Variants in ADGRL2 observed in about 807,000 individuals in gnomAD.
ADGRL2 encodes the protein adhesion G protein-coupled receptor L2.
ADGRL2 carries 44 observed loss-of-function variants against 157.4 expected under a neutral mutation model. The ratio of observed to expected loss-of-function variants is 0.28; its 90% CI spans 0.22 to 0.36. The LOEUF is 0.36. Ranked by LOEUF, ADGRL2 falls within the 10% of genes least tolerant of loss-of-function variation. The pLI, the probability that ADGRL2 is intolerant of heterozygous loss-of-function variation, is 1.00. For synonymous variants in ADGRL2, 585 were observed against 624.7 expected (o/e 0.94, Z 0.95); for missense variants, 1,510 against 1,768.9 (o/e 0.85, Z 2.63).
chr1:81,395,561 C>T lies in ADGRL2; in HGVS notation c.-301-49475C>T, dbSNP rs567795404. ...AGTAGCATTTCAGTTTGATATATAA[C>T]CCCGTTTGTCTATTCTTGCTGTGTT... On this transcript the variant is annotated intron_variant, in intron 1 of 24. Coordinates refer to the ADGRL2 transcript ENST00000370721. Among the ~76,000 whole-genome samples the T allele has an allele frequency of 2.0e-5, 3 of 152,214 alleles. No homozygotes were observed. The South Asian group carries it at 6.2e-4, about 32-fold the overall frequency.
intron 3 of ADGRL2, among the ~76,000 whole-genome samples, chr1:81,604,402 T>G (rs1473559062): frequency 6.6e-6 from 1 of 152,192 alleles, no homozygotes; most frequent in African/African-American, 2.4e-5. Flanking sequence ...AGCTACAGCT[T>G]GAAAACCTCC....
At chr1:81,529,291 G>A (rs2079545273) in intron 2 of ADGRL2, among the ~76,000 whole-genome samples, 1 of 152,206 alleles carries the variant, frequency 6.6e-6, no homozygotes, top group Admixed American at 6.5e-5. Context: ...ACTGATTTGG[G>A]AGAAACTGGA....
chr1:81,912,573 A>G (rs553389700), intron 3 of ADGRL2, among the ~76,000 whole-genome samples: 63 of 152,330 alleles, frequency 4.1e-4, no homozygotes, highest in African/African-American at 1.5e-3. Context: ...AATAGTTGCC[A>G]GTGAATAAAT....
intron 2 of ADGRL2, among the ~76,000 whole-genome samples, chr1:81,768,123 A>G (rs1401587732): frequency 2.7e-5 from 4 of 147,314 alleles, no homozygotes; most frequent in African/African-American, 1.0e-4. Context: ...TTGGCTCACT[A>G]CAAACTTGAA....
intron 2 of ADGRL2, among the ~76,000 whole-genome samples, chr1:81,491,417 T>C (rs1337907037): frequency 6.6e-6 from 1 of 151,398 alleles, no homozygotes; most frequent in Non-Finnish European, 1.5e-5. Flanking sequence ...TATACTTTTA[T>C]GATTTTGCTA....
intron 1 of ADGRL2, among the ~76,000 whole-genome samples, chr1:81,370,123 G>A (rs892209568): frequency 1.5e-4 from 23 of 152,126 alleles, no homozygotes; most frequent in African/African-American, 5.5e-4. Flanking sequence ...GACACAATTT[G>A]GAGGGGAACT....
chr1:81,836,419 A>T (rs1315387666), intron 1 of ADGRL2, among the ~76,000 whole-genome samples: 1 of 152,092 alleles, frequency 6.6e-6, no homozygotes, highest in Non-Finnish European at 1.5e-5. Context: ...GATTCCTCAC[A>T]CGACCTCAGA....
chr1:81,756,515 G>T (rs2085695934), intron 1 of ADGRL2, among the ~76,000 whole-genome samples: 1 of 152,150 alleles, frequency 6.6e-6, no homozygotes, highest in African/African-American at 2.4e-5. Context: ...TAAGTGGGTA[G>T]ATGTGAGGGT....
At chr1:81,568,975 C>T (rs1051205163) in intron 2 of ADGRL2, among the ~76,000 whole-genome samples, 3 of 152,000 alleles carry the variant, frequency 2.0e-5, no homozygotes, top group Admixed American at 6.6e-5. Context: ...GCTGATCTAT[C>T]GCATCCCCTT....
Position 81,451,024 on chromosome 1 carries a change from T to C in ADGRL2, c.-248+5935T>C, listed in dbSNP as rs2077693899. ...TCAAATTTAAGGCCAGTTTACTTCC[T>C]AATCTCTTCTCATTTATTATTCATT... is the stretch of plus-strand genomic sequence containing the variant. On this transcript the variant is annotated intron_variant, in intron 2 of 24. Transcript: ENST00000370721. 2.6e-5 allele frequency among the ~76,000 whole-genome samples: 4 copies of C among 152,326 alleles called. No homozygotes were observed. In the South Asian group the frequency reaches 8.3e-4, roughly 32 times the overall value.
intron 3 of ADGRL2, among the ~76,000 whole-genome samples, chr1:81,665,018 G>A (rs1408416322): frequency 6.6e-6 from 1 of 152,062 alleles, no homozygotes; most frequent in African/African-American, 2.4e-5. Flanking sequence ...AGTCAGAGAA[G>A]GGAGAAATGT....
intron 2 of ADGRL2, chr1:81,557,109 C>T: frequency 5.7e-6 from 1 of 176,442 alleles, no homozygotes; most frequent in Non-Finnish European, 1.3e-5. Context: ...ACCACCTTTG[C>T]CTGTTGTTCA....
intron 1 of ADGRL2, among the ~76,000 whole-genome samples, chr1:81,726,732 T>G (rs2084543032): frequency 6.6e-6 from 1 of 152,188 alleles, no homozygotes; most frequent in African/African-American, 2.4e-5. Flanking sequence ...GACTGATAGT[T>G]TCATTTCACG....
chr1:81,636,345 T>A (rs994179395), intron 3 of ADGRL2, among the ~76,000 whole-genome samples: 1 of 152,184 alleles, frequency 6.6e-6, no homozygotes, highest in Non-Finnish European at 1.5e-5. Flanking sequence ...TTTTTAATAA[T>A]TAAATTTTTA....
intron 3 of ADGRL2, among the ~76,000 whole-genome samples, chr1:81,604,082 G>A (rs1207801793): frequency 6.6e-6 from 1 of 151,532 alleles, no homozygotes; most frequent in East Asian, 1.9e-4. Context: ...TCCTGCCTCA[G>A]ACTCCTGAAT....
At chr1:81,817,532 T>G (rs2090535217) in intron 1 of ADGRL2, among the ~76,000 whole-genome samples, 1 of 152,046 alleles carries the variant, frequency 6.6e-6, no homozygotes, top group Non-Finnish European at 1.5e-5. Context: ...AATCAGAAAT[T>G]TGTCTGGGTC....
At chr1:81,616,833 C>T (rs1283932410) in intron 3 of ADGRL2, among the ~76,000 whole-genome samples, 1 of 151,926 alleles carries the variant, frequency 6.6e-6, no homozygotes, top group Non-Finnish European at 1.5e-5. Context: ...CCTGCCACTG[C>T]GTCTGGCTGA....
intron 3 of ADGRL2, among the ~76,000 whole-genome samples, chr1:81,692,972 T>A (rs2148997519): frequency 6.6e-6 from 1 of 152,294 alleles, no homozygotes; most frequent in South Asian, 2.1e-4. Flanking sequence ...AGCTTGGTCA[T>A]TTTAGGCATT....
chr1:81,774,794 TTA>T (rs552732005), intron 2 of ADGRL2, among the ~76,000 whole-genome samples: 2 of 152,078 alleles, frequency 1.3e-5, no homozygotes, highest in Non-Finnish European at 2.9e-5. Context: ...CTTGTTGAAG[TTA>T]TGTTTATATA....
Sources: gnomAD v4.1 joint callset for allele counts (sites outside exome capture counted in the v4.1 genomes callset) on GRCh38, gnomAD v4.1.1 for gene constraint, MANE v1.5 for transcripts, NCBI Gene and HGNC (gene_info 2026-07-23, HGNC 2026-07-21) for gene names.